RUFY2: variants seen among roughly 807,000 people sequenced by gnomAD.
RUFY2 encodes the protein RUN and FYVE domain-containing protein 2.
Under a neutral mutation model 94.4 loss-of-function variants are expected in RUFY2, and 49 were observed. The observed-to-expected ratio is 0.52, with a 90% CI of 0.41 to 0.66. The LOEUF (loss-of-function observed/expected upper bound fraction) is 0.66. RUFY2 is among the 30% of genes least tolerant of loss of function. The pLI, the probability that RUFY2 is intolerant of heterozygous loss-of-function variation, is 0.00. For missense variants in RUFY2, 541 were observed against 692.8 expected, an observed-to-expected ratio of 0.78 and a Z score of 2.46; for synonymous variants, 255 against 235.7, an observed-to-expected ratio of 1.08 and a Z score of -0.75.
chr10:68,394,199 A>C, intron 5 of RUFY2, 63 bp from the exon 6 acceptor site: 1 of 1,519,536 alleles, frequency 6.6e-7, no homozygotes, highest in Non-Finnish European at 8.9e-7. Context: ...AAGTACCTTT[A>C]CTGAATGTTA....
In RUFY2 at chr10:68,364,013, C is replaced by T; in HGVS notation, c.1426G>A (p.Glu476Lys). Residue 476 changes from glutamate to lysine, a missense_variant, in exon 14 of 18, where the codon GAG (glutamate) becomes AAG (lysine). This residue lies in a region of RUFY2 where 403 missense variants were observed against 480.7 expected (regional missense o/e 0.84). Transcript: ENST00000602465. ...TTAAGACTAATGATTTGTTGAGTCT[C>T]ATTTCTAAGATGAGATAAGGCATCT... is the stretch of plus-strand genomic sequence containing the variant. ...EKDALSHLRNETQQIISLKKE... is the reference protein window; with the variant it reads ...EKDALSHLRNKTQQIISLKKE... 6.2e-7 allele frequency: 1 copy of T among 1,606,606 alleles called. No homozygotes were observed. Among genetic ancestry groups the T allele is most frequent in the South Asian group, 1.1e-5 (1 of 90,404 alleles).
At chr10:68,396,502 G>T (rs372476638) in intron 4 of RUFY2, among the ~76,000 whole-genome samples, 2 of 151,882 alleles carry the variant, frequency 1.3e-5, no homozygotes, top group East Asian at 3.9e-4. Context: ...TCCAGGCAGG[G>T]CAAAAGAAAA....
chr10:68,341,793 G>T (rs2045971352), downstream of RUFY2: 2 of 1,609,706 alleles, frequency 1.2e-6, no homozygotes, highest in Non-Finnish European at 8.5e-7. Flanking sequence ...TTGGAAGAAT[G>T]GGAATGGGGA....
intron 3 of RUFY2, among the ~76,000 whole-genome samples, chr10:68,397,308 CTATT>C (rs2133132906): frequency 6.6e-6 from 1 of 152,278 alleles, no homozygotes; most frequent in South Asian, 2.1e-4. Context: ...CAATTGTTAA[CTATT>C]TGTGTATCTA....
At chr10:68,343,260 G>A (rs1011130153), downstream of RUFY2, 5 of 152,130 alleles carry the variant, frequency 3.3e-5, no homozygotes, top group Non-Finnish European at 5.9e-5. Context: ...GTAGAAGGTG[G>A]TACTACATAC....
downstream of RUFY2, chr10:68,342,074 C>G (rs747844719): frequency 9.5e-6 from 15 of 1,573,554 alleles, no homozygotes; most frequent in Non-Finnish European, 1.1e-5. Flanking sequence ...CACCAACATA[C>G]AAGTCTTGAC....
intron 8 of RUFY2, among the ~76,000 whole-genome samples, chr10:68,385,583 G>T (rs1026920962): frequency 6.6e-6 from 1 of 152,040 alleles, no homozygotes; most frequent in Non-Finnish European, 1.5e-5. Context: ...ATTTTAACAA[G>T]AATTTCTTTT....
chr10:68,401,637 C>T lies in RUFY2; in HGVS notation c.279G>A (p.Arg93=), dbSNP rs770736387. ...CTCCTTACTTCAGACCAGGTAGATC[C>T]CGGACACTAGCTCCTATTTCCTCTG... ...PEAEEIGASV[R]DLPGLKTPLG... is the part of the protein sequence containing the mutation. The change falls in exon 3 of 18, where the codon CGG becomes CGA. Residue 93 remains arginine, a synonymous_variant. Transcript: ENST00000602465. The T allele has an allele frequency of 8.1e-6, 13 of 1,611,710 alleles. No individual in the cohort carries two copies. The highest frequency in any genetic ancestry group is 1.1e-5 in the Non-Finnish European group (13 of 1,177,982).
chr10:68,389,521 C>T (rs1453221183), intron 7 of RUFY2, among the ~76,000 whole-genome samples: 1 of 149,176 alleles, frequency 6.7e-6, no homozygotes, highest in African/African-American at 2.5e-5. Flanking sequence ...AACTGGAAGG[C>T]GGAGGTTGCA....
chr10:68,341,866 T>C (rs766815039), downstream of RUFY2: 1 of 1,604,332 alleles, frequency 6.2e-7, no homozygotes, highest in Admixed American at 1.7e-5. Flanking sequence ...GTATCTCTAG[T>C]TCAGTTTGTG....
downstream of RUFY2, chr10:68,342,691 T>G (rs1339132912): frequency 6.6e-6 from 1 of 152,628 alleles, no homozygotes; most frequent in Non-Finnish European, 1.5e-5. Flanking sequence ...ATTCTAGCCC[T>G]AGATTTTGGA....
intron 13 of RUFY2, among the ~76,000 whole-genome samples, chr10:68,365,954 G>C (rs1166958963): frequency 1.3e-5 from 2 of 152,032 alleles, no homozygotes; most frequent in African/African-American, 2.4e-5. Flanking sequence ...AAAAAGCAAA[G>C]GAAAATTTTG....
chr10:68,345,997 T>G lies in RUFY2; in HGVS notation c.1677+10A>C. The stretch of plus-strand genomic sequence containing the variant: ...TCCAAATTTTTGGACTCACTTCTTA[T>G]CTCCCTTACCTTTCTCTTAGAGAGT... On this transcript the variant is annotated intron_variant, in intron 17 of 17. Coordinates refer to ENST00000602465, the MANE Select transcript of RUFY2 (RefSeq NM_001330103.2). 6.2e-7 allele frequency: 1 copy of G among 1,612,854 alleles called. No individual in the cohort carries two copies. Among genetic ancestry groups the G allele is most frequent in the Non-Finnish European group, 8.5e-7 (1 of 1,179,484 alleles).
chr10:68,394,476 C>T (rs889839579), intron 4 of RUFY2, 25 bp from the exon 5 acceptor site: 7 of 1,512,402 alleles, frequency 4.6e-6, no homozygotes, highest in African/African-American at 1.4e-5. Context: ...AAAATAAGGA[C>T]TTTAAATCAC....
intron 13 of RUFY2, among the ~76,000 whole-genome samples, chr10:68,369,728 C>A (rs564686885): frequency 6.6e-6 from 1 of 151,558 alleles, no homozygotes; most frequent in East Asian, 1.9e-4. Flanking sequence ...TCAAGACCAG[C>A]CTAGGCAACA....
chr10:68,376,821 C>T (rs1319482917), intron 13 of RUFY2, 32 bp downstream of exon 13: 4 of 1,597,592 alleles, frequency 2.5e-6, no homozygotes, highest in Non-Finnish European at 2.6e-6. Context: ...TATGTTAACA[C>T]AAGTATTTGT....
chr10:68,348,079 A>G (rs10998077), intron 16 of RUFY2, among the ~76,000 whole-genome samples: 16,470 of 152,046 alleles, frequency 0.11, 1,109 homozygotes, highest in South Asian at 0.24. Context: ...CATATGAGGA[A>G]GCCTAACTCT....
At chr10:68,382,078 T>A (rs966020516) in intron 10 of RUFY2, among the ~76,000 whole-genome samples, 2 of 150,562 alleles carry the variant, frequency 1.3e-5, no homozygotes, top group African/African-American at 4.9e-5. Context: ...AGACGGAGTC[T>A]CGCTCTGTTG....
At chr10:68,356,981 T>C (rs190037173) in intron 15 of RUFY2, among the ~76,000 whole-genome samples, 259 of 151,606 alleles carry the variant, frequency 1.7e-3, no homozygotes, top group African/African-American at 6.0e-3. Context: ...CTGGCCAACA[T>C]GGTGAAACCC....
Sources: allele counts gnomAD v4.1 joint callset (sites outside exome capture counted in the v4.1 genomes callset), GRCh38; gene constraint gnomAD v4.1.1; regional missense constraint gnomAD v4.1.1; transcripts MANE v1.5; gene names NCBI Gene and HGNC (gene_info 2026-07-23, HGNC 2026-07-21).